Variants in IGDCC3 observed in about 807,000 individuals in gnomAD.
IGDCC3 encodes putative neuronal cell adhesion molecule.
IGDCC3 carries 47 observed loss-of-function variants against 72.0 expected under a neutral mutation model. The observed-to-expected ratio is 0.65, with a 90% confidence interval of 0.52 to 0.83. IGDCC3 has a LOEUF of 0.83. Ranked by LOEUF, IGDCC3 falls within the 40% of genes least tolerant of loss-of-function variation. The probability of loss-of-function intolerance (pLI) is 0.00; values close to 1 mark genes in which losing one functional copy is unlikely to be tolerated. For synonymous variants in IGDCC3, 477 were observed against 472.8 expected (o/e 1.01, Z -0.11); for missense variants, 1,038 against 1,091.3 (o/e 0.95, Z 0.69).
At chr15:65,348,908 G>A (rs751560104) in intron 2 of IGDCC3, among the ~76,000 whole-genome samples, 6 of 152,166 alleles carry the variant, frequency 3.9e-5, no homozygotes, top group Admixed American at 1.3e-4. Flanking sequence ...TCCCTAAAAC[G>A]GGAAACTCAA....
chr15:65,348,795 A>C (rs1409076610), intron 2 of IGDCC3, among the ~76,000 whole-genome samples: 1 of 152,178 alleles, frequency 6.6e-6, no homozygotes, highest in Non-Finnish European at 1.5e-5. Flanking sequence ...ATGGAATGTT[A>C]ACTGCTATCT....
chr15:65,340,877 C>T (rs774822413), intron 2 of IGDCC3, among the ~76,000 whole-genome samples: 16 of 152,134 alleles, frequency 1.1e-4, no homozygotes, highest in Middle Eastern at 3.2e-3. Flanking sequence ...TACAGGCACG[C>T]ACCACCATGC....
At chr15:65,376,563 A>T (rs934781008) in intron 1 of IGDCC3, among the ~76,000 whole-genome samples, 1 of 152,156 alleles carries the variant, frequency 6.6e-6, no homozygotes, top group Admixed American at 6.5e-5. Context: ...GGGAGAAAGG[A>T]GGGGCGTTGG....
chr15:65,334,531 G>A lies in IGDCC3; in HGVS notation c.823+197C>T, dbSNP rs1595751081. The A allele has an allele frequency of 2.9e-5, 16 of 556,246 alleles. No homozygotes were observed. The East Asian group carries it at 5.1e-4, about 18-fold the overall frequency. The allele number at this position is 556,246 out of a possible 1,614,324, so 34.5% of individuals were successfully genotyped here. ...GCCATCCCTGCAGGGATGAGAATGG[G>A]GTGGGCAGGCGGGCCTCCCTGGTCC... On this transcript the variant is annotated intron_variant, in intron 5 of 13. Coordinates refer to ENST00000327987, the MANE Select transcript of IGDCC3 (RefSeq NM_004884.4).
At chr15:65,348,226 G>A (rs777323712) in intron 2 of IGDCC3, among the ~76,000 whole-genome samples, 3 of 152,156 alleles carry the variant, frequency 2.0e-5, no homozygotes, top group East Asian at 1.9e-4. Flanking sequence ...CCTTGGGGCC[G>A]CTCTGTCTAT....
At chr15:65,341,677 C>T (rs539508738) in intron 2 of IGDCC3, among the ~76,000 whole-genome samples, 3 of 152,308 alleles carry the variant, frequency 2.0e-5, no homozygotes, top group Admixed American at 2.0e-4. Context: ...ATTCCTAGCC[C>T]ACAGGGCCTT....
At position 65,339,890 on chromosome 15, in the gene IGDCC3, A is replaced by G. The variant is rs1250613933; in HGVS notation, c.410-3934T>C. ...CCTCACTTCAAGTTGGGTGATGGGA[A>G]GGGGGTGATGGGCAATGGTCTTCCA... is the stretch of plus-strand genomic sequence containing the variant. On this transcript the variant is annotated intron_variant, in intron 2 of 13. Coordinates refer to ENST00000327987, the MANE Select transcript of IGDCC3 (RefSeq NM_004884.4). The surrounding 1 kb of genome is among the most constrained non-coding windows in gnomAD (Gnocchi z 4.1). Among the ~76,000 whole-genome samples the G allele has an allele frequency of 6.6e-6, 1 of 151,922 alleles. No individual in the cohort carries two copies. The highest frequency in any genetic ancestry group is 1.5e-5 in the Non-Finnish European group (1 of 67,990).
At chr15:65,332,842 G>A (rs1400932980) in intron 6 of IGDCC3, among the ~76,000 whole-genome samples, 1 of 152,234 alleles carries the variant, frequency 6.6e-6, no homozygotes, top group African/African-American at 2.4e-5. Flanking sequence ...GGCTGCCGGC[G>A]ACAGAGTGAA....
chr15:65,341,895 TC>T (rs2091084543), intron 2 of IGDCC3, among the ~76,000 whole-genome samples: 1 of 152,104 alleles, frequency 6.6e-6, no homozygotes, highest in Non-Finnish European at 1.5e-5. Flanking sequence ...TGCCTCAGCC[TC>T]CCAAGTAGCT....
At chr15:65,332,173 G>C (rs759433005) in intron 6 of IGDCC3, 67 bp from the exon 7 acceptor site, 11 of 1,539,322 alleles carry the variant, frequency 7.1e-6, no homozygotes, top group Non-Finnish European at 8.8e-6. Context: ...ATGAGGAAGG[G>C]AACAGGGGAT....
Position 65,330,734 on chromosome 15 carries a change from G to C in IGDCC3, c.1569C>G (p.Ala523=). ...GGACTCGCACTGACAGTGGGGGTGG[G>C]GCAGGGGCTGCAGGTAGAGAAGGAG... The part of the protein sequence containing the change: ...TLASTLGEAP[A]PPPLSVRVLG... Residue 523 remains alanine, a synonymous_variant, in exon 10 of 14, where the codon GCC becomes GCG. Transcript: ENST00000327987. 4 of 1,604,512 alleles carry C rather than the reference G, an allele frequency of 2.5e-6. No individual in the cohort carries two copies. The highest frequency in any genetic ancestry group is 3.4e-6 in the Non-Finnish European group (4 of 1,174,878).
chr15:65,377,830 G>T lies in IGDCC3; in HGVS notation c.-42C>A. 8.7e-7 allele frequency: 1 copy of T among 1,150,808 alleles called. No homozygotes were observed. Among genetic ancestry groups the T allele is most frequent in the South Asian group, 4.2e-5 (1 of 23,616 alleles). The allele number at this position is 1,150,808 out of a possible 1,614,324, so 71.3% of individuals were successfully genotyped here. A position where few individuals can be genotyped will look rare whatever the true frequency, so the allele number is the denominator to read the frequency against. On this transcript the variant is annotated 5_prime_UTR_variant, in exon 1 of 14. Coordinates refer to ENST00000327987, the MANE Select transcript of IGDCC3 (RefSeq NM_004884.4). The surrounding 1 kb of genome is among the most constrained non-coding windows in gnomAD (Gnocchi z 4.9). ...TCGGCTCGGCGACGCGCGGCTCCCGGGCCTCTCGCGGCTCACAGCGTCCCG... is the reference window on the plus strand; with the variant it reads ...TCGGCTCGGCGACGCGCGGCTCCCGTGCCTCTCGCGGCTCACAGCGTCCCG...
chr15:65,370,516 ATAT>A (rs1189636976), intron 2 of IGDCC3, among the ~76,000 whole-genome samples: 3,853 of 103,138 alleles, frequency 0.037, 129 homozygotes, highest in South Asian at 0.049. Flanking sequence ...CAAAAAAAAA[ATAT>A]ATATATATAT....
chr15:65,333,183 G>A (rs2090994515), intron 6 of IGDCC3, 74 bp downstream of exon 6: 2 of 1,402,052 alleles, frequency 1.4e-6, no homozygotes, highest in East Asian at 2.5e-5. Context: ...AGGGCCCTGG[G>A]GTTGGGCCTG....
intron 2 of IGDCC3, 110 bp downstream of exon 2, chr15:65,374,987 C>T: frequency 1.1e-6 from 1 of 926,884 alleles, no homozygotes; most frequent in Non-Finnish European, 1.6e-6. Context: ...AGAAATTAGT[C>T]CTCCAGAAGG....
At chr15:65,374,752 T>C (rs1255645306) in intron 2 of IGDCC3, among the ~76,000 whole-genome samples, 3 of 152,212 alleles carry the variant, frequency 2.0e-5, no homozygotes. Context: ...TGATTTATCT[T>C]TATACACAAG....
intron 2 of IGDCC3, among the ~76,000 whole-genome samples, chr15:65,358,651 TG>T (rs2091241353): frequency 6.8e-6 from 1 of 146,840 alleles, no homozygotes; most frequent in African/African-American, 2.5e-5. Context: ...TACTTTTAAC[TG>T]AAAAAGTGTC....
chr15:65,354,256 T>G (rs1466876573), intron 2 of IGDCC3, among the ~76,000 whole-genome samples: 1 of 152,140 alleles, frequency 6.6e-6, no homozygotes, highest in African/African-American at 2.4e-5. Context: ...CGCCCTGAAT[T>G]TTTTCTTGAG....
chr15:65,345,145 A>T (rs1420033515), intron 2 of IGDCC3, among the ~76,000 whole-genome samples: 1 of 152,164 alleles, frequency 6.6e-6, no homozygotes, highest in Non-Finnish European at 1.5e-5. Context: ...CATTCATTCA[A>T]CAGATACTTA....
Sources: gnomAD v4.1 joint callset for allele counts (sites outside exome capture counted in the v4.1 genomes callset) on GRCh38, gnomAD v4.1.1 for gene constraint, Gnocchi (gnomAD v3.1) non-coding constraint, MANE v1.5 for transcripts, NCBI Gene and HGNC (gene_info 2026-07-23, HGNC 2026-07-21) for gene names.